The following WSCD1 variants were observed in gnomAD, a reference collection of about 807,000 sequenced individuals.
WSCD1 encodes WSC domain sialate O sulfotransferase 1.
WSCD1 carries 41 observed loss-of-function variants against 60.4 expected under a neutral mutation model. That is an observed-to-expected ratio of 0.68 (90% CI 0.53 to 0.88). The LOEUF (loss-of-function observed/expected upper bound fraction) is 0.88, where lower values mean the gene tolerates loss of function less well. Ranked by LOEUF, WSCD1 falls within the 40% of genes least tolerant of loss-of-function variation. The pLI, the probability that WSCD1 is intolerant of heterozygous loss-of-function variation, is 0.00. For synonymous variants in WSCD1, 361 were observed against 332.5 expected, an observed-to-expected ratio of 1.09 and a Z score of -0.93; for missense variants, 784 against 796.2, an observed-to-expected ratio of 0.98 and a Z score of 0.18.
In WSCD1 at chr17:6,086,250, CATATATATATATATAT is replaced by C. The variant is rs61690560; in HGVS notation, c.428-1730_428-1715del. ...GCAGTCAGTAAGACCGTCCTGACTT[CATATATATATATATAT>C]ATATATATACTTATGTACTTCATGC... On this transcript the variant is annotated intron_variant, in intron 2 of 8. Transcript: ENST00000317744. Among the ~76,000 whole-genome samples the C allele has an allele frequency of 1.5e-4, 15 of 98,234 alleles. 1 individual carries two copies. Among genetic ancestry groups the C allele is most frequent in the Non-Finnish European group, 1.6e-4 (8 of 48,954 alleles). 64.4% of individuals were successfully genotyped at this position (98,234 alleles called of 152,430 possible).
At chr17:6,091,959 A>G (rs1910076411) in intron 4 of WSCD1, among the ~76,000 whole-genome samples, 1 of 152,198 alleles carries the variant, frequency 6.6e-6, no homozygotes, top group Non-Finnish European at 1.5e-5. Flanking sequence ...GTTCGAGACC[A>G]GCCTGACCAA....
rs139810631 is a variant in WSCD1, at chr17:6,102,329, G to C, written c.849+7106G>C. On this transcript the variant is annotated intron_variant, in intron 5 of 8. Transcript: ENST00000317744. The stretch of plus-strand genomic sequence containing the variant: ...CAAGGTAGCCTTATGGTCTCCATGG[G>C]GCACCCAAGTTCATGTCTTTGCCAA... Among the ~76,000 whole-genome samples, 841 of 152,312 alleles carry C rather than the reference G, an allele frequency of 5.5e-3. 8 individuals carry two copies. Among genetic ancestry groups the C allele is most frequent in the African/African-American group, 0.018 (757 of 41,576 alleles).
intron 2 of WSCD1, among the ~76,000 whole-genome samples, chr17:6,083,108 C>A (rs1909386747): frequency 6.6e-6 from 1 of 152,174 alleles, no homozygotes. Flanking sequence ...CGCAACACAC[C>A]AAGAGACTGG....
intron 1 of WSCD1, among the ~76,000 whole-genome samples, chr17:6,077,402 C>T (rs1908938321): frequency 1.3e-5 from 2 of 152,130 alleles, no homozygotes; most frequent in Admixed American, 6.5e-5. Context: ...TTTCTCCCTA[C>T]CAGTCTACCC....
intron 1 of WSCD1, among the ~76,000 whole-genome samples, chr17:6,071,441 A>G (rs927858567): frequency 1.3e-5 from 2 of 152,176 alleles, no homozygotes; most frequent in Non-Finnish European, 2.9e-5. Flanking sequence ...AGGCTCATAT[A>G]GGAGTTCTAG....
At chr17:6,083,494 A>T (rs1437648106) in intron 2 of WSCD1, among the ~76,000 whole-genome samples, 1 of 152,200 alleles carries the variant, frequency 6.6e-6, no homozygotes, top group Non-Finnish European at 1.5e-5. Flanking sequence ...ATAACTGACC[A>T]GCAGCCTCCC....
intron 1 of WSCD1, among the ~76,000 whole-genome samples, chr17:6,074,770 AG>A (rs1254042958): frequency 6.6e-6 from 1 of 152,224 alleles, no homozygotes; most frequent in Admixed American, 6.5e-5. Flanking sequence ...CTCGCTAACC[AG>A]GTGATGCTCT....
chr17:6,075,167 C>T lies in WSCD1; in HGVS notation c.-289+4515C>T, dbSNP rs1453481783. On this transcript the variant is annotated intron_variant, in intron 1 of 8. Coordinates refer to ENST00000317744, the MANE Select transcript of WSCD1 (RefSeq NM_015253.2). This position sits in a 1 kb window ranked among gnomAD's most constrained non-coding sequence, Gnocchi z 4.1. Reference sequence around the variant, plus strand: ...GCTGGGGCTCCTGCCCTGCAAAGAGCAGGCAGCTCCAAGTCCCAAGAGGTT... The same window carrying T: ...GCTGGGGCTCCTGCCCTGCAAAGAGTAGGCAGCTCCAAGTCCCAAGAGGTT... Among the ~76,000 whole-genome samples the T allele has an allele frequency of 6.6e-6, 1 of 152,256 alleles. No homozygotes were observed. Among genetic ancestry groups the T allele is most frequent in the Non-Finnish European group, 1.5e-5 (1 of 68,012 alleles).
chr17:6,098,742 G>A (rs1226040135), intron 5 of WSCD1, among the ~76,000 whole-genome samples: 1 of 152,212 alleles, frequency 6.6e-6, no homozygotes, highest in Non-Finnish European at 1.5e-5. Context: ...ATCATTTCCA[G>A]CTTTAAAGTT....
At chr17:6,093,551 G>C (rs542562057) in intron 4 of WSCD1, among the ~76,000 whole-genome samples, 29 of 152,292 alleles carry the variant, frequency 1.9e-4, no homozygotes, top group African/African-American at 7.0e-4. Context: ...CGTGGAGCTG[G>C]TTGAGGACCA....
At chr17:6,088,696 GCA>G (rs66881392) in intron 3 of WSCD1, among the ~76,000 whole-genome samples, 106,888 of 149,966 alleles carry the variant, frequency 0.71, 39,327 homozygotes, top group East Asian at 0.87. Flanking sequence ...TGTGTGTGCT[GCA>G]CACACACACA....
Position 6,075,004 on chromosome 17 carries a change from G to A in WSCD1, c.-289+4352G>A, listed in dbSNP as rs1908758675. The stretch of plus-strand genomic sequence containing the variant: ...CCAGGAGCTGTGAGCCCAGCTGGAG[G>A]CTCCTGCATGTACTCTGCCCGGGTC... On this transcript the variant is annotated intron_variant, in intron 1 of 8. Transcript: ENST00000317744. The surrounding 1 kb of genome is among the most constrained non-coding windows in gnomAD (Gnocchi z 4.1). Among the ~76,000 whole-genome samples the A allele has an allele frequency of 6.6e-6, 1 of 152,136 alleles. No individual in the cohort carries two copies. Among genetic ancestry groups the A allele is most frequent in the Non-Finnish European group, 1.5e-5 (1 of 68,008 alleles).
intron 5 of WSCD1, among the ~76,000 whole-genome samples, chr17:6,099,257 C>G (rs892799159): frequency 2.6e-5 from 4 of 152,058 alleles, no homozygotes; most frequent in African/African-American, 9.7e-5. Context: ...TGGCTCATGC[C>G]TGTAATCCCT....
intron 5 of WSCD1, among the ~76,000 whole-genome samples, chr17:6,097,180 A>T (rs1236415471): frequency 1.3e-5 from 2 of 152,248 alleles, no homozygotes; most frequent in Non-Finnish European, 2.9e-5. Flanking sequence ...CACTGCTGCC[A>T]TTCGGCGTTA....
chr17:6,108,233 T>C (rs1338256127), intron 5 of WSCD1, among the ~76,000 whole-genome samples: 5 of 152,210 alleles, frequency 3.3e-5, no homozygotes, highest in Non-Finnish European at 7.3e-5. Context: ...TACCTAGCCA[T>C]GCTCAAAAAA....
chr17:6,112,878 A>T (rs1189717121), intron 7 of WSCD1, among the ~76,000 whole-genome samples: 1 of 152,206 alleles, frequency 6.6e-6, no homozygotes, highest in African/African-American at 2.4e-5. Context: ...ACCAAAAGCA[A>T]TCAACAGATC....
intron 6 of WSCD1, 45 bp downstream of exon 6, chr17:6,109,811 GT>G (rs746445344): frequency 6.3e-7 from 1 of 1,590,774 alleles, no homozygotes; most frequent in East Asian, 2.3e-5. Context: ...GGTCTGGGGG[GT>G]GGGGAGAGCT....
At chr17:6,071,872 G>A (rs1908565319) in intron 1 of WSCD1, among the ~76,000 whole-genome samples, 1 of 152,192 alleles carries the variant, frequency 6.6e-6, no homozygotes, top group Non-Finnish European at 1.5e-5. Context: ...ACTTAGATTG[G>A]CCCTCAGGAG....
chr17:6,102,130 T>C (rs1441697255), intron 5 of WSCD1, among the ~76,000 whole-genome samples: 2 of 152,254 alleles, frequency 1.3e-5, no homozygotes, highest in African/African-American at 2.4e-5. Flanking sequence ...ATCACCTGGA[T>C]GTTTTCCCAT....
Sources: allele counts gnomAD v4.1 joint callset (sites outside exome capture counted in the v4.1 genomes callset), GRCh38; gene constraint gnomAD v4.1.1; non-coding constraint Gnocchi (gnomAD v3.1); transcripts MANE v1.5; gene names NCBI Gene and HGNC (gene_info 2026-07-23, HGNC 2026-07-21).